KLF15: variants seen among roughly 807,000 people sequenced by gnomAD.
KLF15 encodes the protein KLF transcription factor 15.
KLF15 carries 4 observed loss-of-function variants against 24.6 expected under a neutral mutation model. That is an observed-to-expected ratio of 0.16 (90% confidence interval 0.08 to 0.37). KLF15 has a LOEUF of 0.37. Among genes scored for constraint, KLF15 ranks in the 10% least tolerant of loss-of-function variants. KLF15 has a pLI of 1.00. For synonymous variants in KLF15, 246 were observed against 236.3 expected, an observed-to-expected ratio of 1.04 and a Z score of -0.37; for missense variants, 496 against 560.6, an observed-to-expected ratio of 0.88 and a Z score of 1.16.
At chr3:126,335,342 A>T in the KLF15 span, among the ~76,000 whole-genome samples, 3 of 137,000 alleles carry the variant, frequency 2.2e-5, no homozygotes, top group African/African-American at 8.3e-5. Flanking sequence ...ATCTCAATAG[A>T]TGCAGAAAAA....
the KLF15 span, among the ~76,000 whole-genome samples, chr3:126,303,428 C>A: frequency 6.6e-6 from 1 of 152,100 alleles, no homozygotes; most frequent in Non-Finnish European, 1.5e-5. Context: ...CCTCCCCCAT[C>A]CTCCACTCCT....
At chr3:126,297,814 G>A in the KLF15 span, among the ~76,000 whole-genome samples, 1 of 152,180 alleles carries the variant, frequency 6.6e-6, no homozygotes, top group Non-Finnish European at 1.5e-5. Flanking sequence ...GGTATTCCAT[G>A]TTTATATACC....
the KLF15 span, among the ~76,000 whole-genome samples, chr3:126,309,541 C>T: frequency 9.2e-5 from 14 of 152,178 alleles, no homozygotes; most frequent in African/African-American, 3.4e-4. Context: ...CAGAAATGTC[C>T]CCAGAGGTGT....
At chr3:126,300,353 C>T in the KLF15 span, among the ~76,000 whole-genome samples, 1 of 152,202 alleles carries the variant, frequency 6.6e-6, no homozygotes, top group Admixed American at 6.5e-5. Flanking sequence ...GGCTGGCCCT[C>T]GCAGGCACTT....
the KLF15 span, among the ~76,000 whole-genome samples, chr3:126,316,397 G>A: frequency 8.6e-5 from 7 of 81,240 alleles, no homozygotes; most frequent in Middle Eastern, 7.6e-3. Flanking sequence ...CTGGAGCAGC[G>A]CTGGGCATCC....
chr3:126,308,124 A>T, the KLF15 span, among the ~76,000 whole-genome samples: 4 of 152,234 alleles, frequency 2.6e-5, no homozygotes, highest in East Asian at 7.7e-4. Context: ...CAGGGTATTG[A>T]TCTCCCTGAA....
chr3:126,349,338 TG>T (rs2082562994), intron 2 of KLF15, among the ~76,000 whole-genome samples: 1 of 152,134 alleles, frequency 6.6e-6, no homozygotes, highest in African/African-American at 2.4e-5. Context: ...GCCCGGGGCA[TG>T]GCTGGCAGCA....
At chr3:126,304,785 G>T in the KLF15 span, among the ~76,000 whole-genome samples, 1 of 152,218 alleles carries the variant, frequency 6.6e-6, no homozygotes, top group Non-Finnish European at 1.5e-5. Context: ...GGAAATCTGA[G>T]AAATGCTTTT....
At position 126,343,562 on chromosome 3, in the gene KLF15, G is replaced by C; in HGVS notation, c.*165C>G. On this transcript the variant is annotated 3_prime_UTR_variant, in exon 3 of 3. Coordinates refer to ENST00000296233, the MANE Select transcript of KLF15 (RefSeq NM_014079.4). ...GGTTCGAGGCTCTAAGTACTCCCGA[G>C]AAAGGCAGCGGTTGGCGGGCCCTGG... 1 of 674,392 alleles carries C rather than the reference G, an allele frequency of 1.5e-6. No homozygotes were observed. The highest frequency in any genetic ancestry group is 2.5e-6 in the Non-Finnish European group (1 of 407,978). The allele number at this position is 674,392 out of a possible 1,614,324, so 41.8% of individuals were successfully genotyped here. A position where few individuals can be genotyped will look rare whatever the true frequency, so the allele number is the denominator to read the frequency against.
downstream of KLF15, among the ~76,000 whole-genome samples, chr3:126,341,234 C>T (rs2082477222): frequency 6.6e-6 from 1 of 152,168 alleles, no homozygotes; most frequent in Non-Finnish European, 1.5e-5. Context: ...ACTGAGGAGA[C>T]CACTAAGACC....
At position 126,352,864 on chromosome 3, in the gene KLF15, C is replaced by G. The variant is rs778050081; in HGVS notation, c.59G>C (p.Gly20Ala). 2.5e-6 allele frequency: 4 copies of G among 1,612,414 alleles called. No homozygotes were observed. Among genetic ancestry groups the G allele is most frequent in the Non-Finnish European group, 3.4e-6 (4 of 1,179,688 alleles). The change falls in exon 2 of 3, where the codon GGG becomes GCG. Residue 20 changes from glycine to alanine, a missense_variant. By Grantham distance (60) the Gly-to-Ala change is moderately conservative. Around this residue, in one of 3 missense-constraint regions of KLF15, gnomAD observed 399 missense variants for 423.1 expected, o/e 0.94. Coordinates refer to ENST00000296233, the MANE Select transcript of KLF15 (RefSeq NM_014079.4). ...GCCAACCAGCCTATCACCCAGATAC[C>G]CAACTGGGCATTTTGGCGACGAGAA... is the stretch of plus-strand genomic sequence containing the variant. Reference protein sequence around the residue: ...ENFSSPKCPVGYLGDRLVGRR... With the variant: ...ENFSSPKCPVAYLGDRLVGRR...
At chr3:126,320,881 G>A in the KLF15 span, among the ~76,000 whole-genome samples, 23 of 152,150 alleles carry the variant, frequency 1.5e-4, no homozygotes, top group Non-Finnish European at 3.4e-4. Flanking sequence ...TTTAGCAGGG[G>A]AAGGGTGGTC....
the KLF15 span, among the ~76,000 whole-genome samples, chr3:126,321,703 T>C: frequency 6.6e-6 from 1 of 152,238 alleles, no homozygotes; most frequent in Non-Finnish European, 1.5e-5. Context: ...GGCCACAGAC[T>C]TGGTGCCTTC....
the KLF15 span, among the ~76,000 whole-genome samples, chr3:126,316,233 G>C: frequency 6.6e-6 from 1 of 151,042 alleles, no homozygotes; most frequent in South Asian, 2.1e-4. Context: ...TCCACGGGCC[G>C]GACTGGGGCT....
chr3:126,343,917 G>A (rs539818756), intron 2 of KLF15, 22 bp from the exon 3 acceptor site: 1 of 1,556,898 alleles, frequency 6.4e-7, no homozygotes, highest in African/African-American at 1.4e-5. Context: ...GGCGCGGTCA[G>A]CGAGGCCTGG....
Position 126,342,807 on chromosome 3 carries a change from C to G in KLF15, c.*920G>C, listed in dbSNP as rs1329003039. 2.0e-5 allele frequency: 3 copies of G among 152,524 alleles called. No homozygotes were observed. The highest frequency in any genetic ancestry group is 4.4e-5 in the Non-Finnish European group (3 of 68,038). The allele number at this position is 152,524 out of a possible 1,614,324, so 9.4% of individuals were successfully genotyped here. ...TATTTTATGTGGATGGACCTATGTA[C>G]AGTTTATTTACATACATTCATAGGA... On this transcript the variant is annotated 3_prime_UTR_variant, in exon 3 of 3. Coordinates refer to ENST00000296233, the MANE Select transcript of KLF15 (RefSeq NM_014079.4).
the KLF15 span, among the ~76,000 whole-genome samples, chr3:126,304,834 CA>C: frequency 2.6e-5 from 4 of 152,336 alleles, no homozygotes; most frequent in Admixed American, 2.6e-4. Context: ...CTATTGGCTG[CA>C]AGTAACAGAC....
chr3:126,329,663 T>C, the KLF15 span, among the ~76,000 whole-genome samples: 1 of 152,150 alleles, frequency 6.6e-6, no homozygotes, highest in African/African-American at 2.4e-5. Context: ...AGTCCCATTT[T>C]TTAAAATCCT....
the KLF15 span, among the ~76,000 whole-genome samples, chr3:126,308,079 C>CG: frequency 9.2e-5 from 14 of 152,156 alleles, no homozygotes; most frequent in Admixed American, 8.5e-4. Context: ...CTGGCTGGGA[C>CG]GGGGGCACCT....
Sources: gnomAD v4.1 joint callset for allele counts (sites outside exome capture counted in the v4.1 genomes callset) on GRCh38, gnomAD v4.1.1 for gene constraint, gnomAD v4.1.1 regional missense constraint, MANE v1.5 for transcripts, NCBI Gene and HGNC (gene_info 2026-07-23, HGNC 2026-07-21) for gene names.